The following RPRD1B variants were observed in gnomAD, a reference collection of about 807,000 sequenced individuals.
The protein encoded by RPRD1B is regulation of nuclear pre-mRNA domain containing 1B, also known as regulation of nuclear pre-mRNA domain-containing protein 1B.
RPRD1B carries 11 observed loss-of-function variants against 41.5 expected under a neutral mutation model. That is an observed-to-expected ratio of 0.27 (90% CI 0.17 to 0.44). RPRD1B has a LOEUF of 0.44. RPRD1B is among the 20% of genes least tolerant of loss of function. The pLI is 1.00. For synonymous variants in RPRD1B, 158 were observed against 155.6 expected, an observed-to-expected ratio of 1.02 and a Z score of -0.12; for missense variants, 248 against 389.9, an observed-to-expected ratio of 0.64 and a Z score of 3.06.
chr20:38,054,789 G>C (rs905616366), intron 3 of RPRD1B, among the ~76,000 whole-genome samples: 4 of 152,188 alleles, frequency 2.6e-5, no homozygotes, highest in Middle Eastern at 3.4e-3. Flanking sequence ...GCTCTTCTAG[G>C]TGCTTGAAAG....
At chr20:38,085,707 C>G (rs893105476) in intron 6 of RPRD1B, 1 of 152,374 alleles carries the variant, frequency 6.6e-6, no homozygotes, top group African/African-American at 2.4e-5. Flanking sequence ...TCTCTCCAGA[C>G]CCAAAGAGAA....
At position 38,091,146 on chromosome 20, in the gene RPRD1B, T is replaced by C. The variant is rs1024775922; in HGVS notation, c.*1271T>C. ...TAATTTGGCAGGCTTATTTTTGACA[T>C]TGGAAAGGGCAGAAAGCGATTTGCC... On this transcript the variant is annotated 3_prime_UTR_variant, in exon 7 of 7. Transcript: ENST00000373433. 3 of 985,620 alleles carry C rather than the reference T, an allele frequency of 3.0e-6. No homozygotes were observed. Among genetic ancestry groups the C allele is most frequent in the African/African-American group, 3.5e-5 (2 of 57,176 alleles). The allele number at this position is 985,620 out of a possible 1,614,324, so 61.1% of individuals were successfully genotyped here.
chr20:38,064,387 A>G (rs1049680329), intron 5 of RPRD1B, among the ~76,000 whole-genome samples: 1 of 152,182 alleles, frequency 6.6e-6, no homozygotes, highest in African/African-American at 2.4e-5. Context: ...CTTAAATCCT[A>G]GTTCCCCAGG....
chr20:38,052,466 C>T (rs904369055), intron 3 of RPRD1B, among the ~76,000 whole-genome samples: 1 of 152,210 alleles, frequency 6.6e-6, no homozygotes, highest in Non-Finnish European at 1.5e-5. Flanking sequence ...AAATGTTAGA[C>T]CTTTATCTGT....
chr20:38,045,783 C>T (rs200414542), intron 2 of RPRD1B, among the ~76,000 whole-genome samples: 1 of 152,184 alleles, frequency 6.6e-6, no homozygotes, highest in East Asian at 1.9e-4. Context: ...GAATCTGCAG[C>T]AAACAGATTT....
intron 6 of RPRD1B, among the ~76,000 whole-genome samples, chr20:38,080,815 G>A (rs1199028344): frequency 4.6e-5 from 7 of 152,248 alleles, no homozygotes; most frequent in Non-Finnish European, 7.4e-5. Flanking sequence ...ATGAGCCACC[G>A]TGCCCAGCCA....
intron 5 of RPRD1B, among the ~76,000 whole-genome samples, chr20:38,061,972 T>C (rs1299319129): frequency 6.6e-5 from 10 of 152,146 alleles, no homozygotes; most frequent in Admixed American, 6.5e-4. Flanking sequence ...ATGAGGAGAT[T>C]ACCCTGGATT....
chr20:38,086,166 CTTTG>C (rs145774758), intron 6 of RPRD1B, among the ~76,000 whole-genome samples: 1,663 of 152,222 alleles, frequency 0.011, 32 homozygotes, highest in African/African-American at 0.038. Flanking sequence ...TTACAGATGA[CTTTG>C]TTTGGAAAGC....
chr20:38,041,110 G>A (rs57316958), intron 2 of RPRD1B, among the ~76,000 whole-genome samples: 1,578 of 152,270 alleles, frequency 0.01, 24 homozygotes, highest in African/African-American at 0.036. Context: ...GCAGAGAGGA[G>A]TGGCACTCAT....
At chr20:38,071,946 A>G (rs1224003664) in intron 6 of RPRD1B, among the ~76,000 whole-genome samples, 2 of 152,190 alleles carry the variant, frequency 1.3e-5, no homozygotes, top group South Asian at 2.1e-4. Context: ...ATGATTTGCA[A>G]CTATTTTCTC....
At chr20:38,069,489 G>A (rs767342044) in intron 6 of RPRD1B, among the ~76,000 whole-genome samples, 6 of 152,220 alleles carry the variant, frequency 3.9e-5, no homozygotes, top group Non-Finnish European at 8.8e-5. Flanking sequence ...CAGTTAGACT[G>A]GACCAGACAG....
chr20:38,059,980 T>G (rs1365656399), intron 5 of RPRD1B, among the ~76,000 whole-genome samples: 1 of 152,186 alleles, frequency 6.6e-6, no homozygotes, highest in Admixed American at 6.5e-5. Context: ...GTTAGACATG[T>G]CATTTTGCCC....
intron 2 of RPRD1B, among the ~76,000 whole-genome samples, chr20:38,042,653 A>G (rs999775366): frequency 3.3e-5 from 5 of 152,128 alleles, no homozygotes; most frequent in Admixed American, 6.5e-5. Flanking sequence ...CTCCTTTCTT[A>G]TACCCCATTA....
At chr20:38,087,726 G>A (rs1489010485) in intron 6 of RPRD1B, among the ~76,000 whole-genome samples, 1 of 152,200 alleles carries the variant, frequency 6.6e-6, no homozygotes, top group African/African-American at 2.4e-5. Flanking sequence ...AAAAGTACTT[G>A]TGGGAGAAAG....
In RPRD1B at chr20:38,090,713, A is replaced by G. The variant is rs1401953193; in HGVS notation, c.*838A>G. On this transcript the variant is annotated 3_prime_UTR_variant, in exon 7 of 7. Transcript: ENST00000373433. Reference sequence around the variant, plus strand: ...GGGATGGCAGGCATTGGTGGGCTCCAAAAGATGAAGGCCCCACACACAGGT... The same window carrying G: ...GGGATGGCAGGCATTGGTGGGCTCCGAAAGATGAAGGCCCCACACACAGGT... The G allele has an allele frequency of 2.0e-6, 2 of 985,432 alleles. No individual in the cohort carries two copies. Among genetic ancestry groups the G allele is most frequent in the Non-Finnish European group, 2.4e-6 (2 of 829,996 alleles). The allele number at this position is 985,432 out of a possible 1,614,324, so 61.0% of individuals were successfully genotyped here.
chr20:38,089,579 C>G, intron 6 of RPRD1B, 147 bp from the exon 7 acceptor site: 1 of 619,760 alleles, frequency 1.6e-6, no homozygotes, highest in Middle Eastern at 4.5e-4. Context: ...ATTTGAAGCC[C>G]TAGCTTTGTG....
chr20:38,075,598 C>CTTAAAATTGGGATTCTGAAGAAAG (rs1348021448), intron 6 of RPRD1B, among the ~76,000 whole-genome samples: 2 of 152,220 alleles, frequency 1.3e-5, no homozygotes, highest in African/African-American at 4.8e-5. Flanking sequence ...TCTACTCCCA[C>CTTAAAATTGGGATTCTGAAGAAAG]TTAAAATTGG....
rs539079380 is a variant in RPRD1B at position 38,087,050 on chromosome 20, CG to C, written c.832-2673del. On this transcript the variant is annotated intron_variant, in intron 6 of 6. Transcript: ENST00000373433. Reference sequence around the variant, plus strand: ...CAGCTCACCACAACCTCTGCCCCGCCGGGTTCAAGCAATTCTCCTGCCTCAG... The same window carrying C: ...CAGCTCACCACAACCTCTGCCCCGCCGGTTCAAGCAATTCTCCTGCCTCAG... Among the ~76,000 whole-genome samples the C allele has an allele frequency of 9.9e-4, 150 of 152,110 alleles. 1 individual carries two copies. Among genetic ancestry groups the C allele is most frequent in the African/African-American group, 3.4e-3 (143 of 41,492 alleles).
At chr20:38,037,581 G>A (rs1016054644) in intron 1 of RPRD1B, among the ~76,000 whole-genome samples, 1 of 152,224 alleles carries the variant, frequency 6.6e-6, no homozygotes, top group African/African-American at 2.4e-5. Context: ...CATGTTGTGT[G>A]TATTGTGACT....
Sources: allele counts gnomAD v4.1 joint callset (sites outside exome capture counted in the v4.1 genomes callset), GRCh38; gene constraint gnomAD v4.1.1; transcripts MANE v1.5; gene names NCBI Gene and HGNC (gene_info 2026-07-23, HGNC 2026-07-21).